The following PDE4B variants were observed in gnomAD, a reference collection of about 807,000 sequenced individuals.
The protein encoded by PDE4B is 3',5'-cyclic-AMP phosphodiesterase 4B.
Under a neutral mutation model 82.2 loss-of-function variants are expected in PDE4B, and 20 were observed. That is an observed-to-expected ratio of 0.24 (90% CI 0.17 to 0.35). The LOEUF (loss-of-function observed/expected upper bound fraction) is 0.35. PDE4B is among the 10% of genes least tolerant of loss of function. The pLI is 1.00. For synonymous variants in PDE4B, 320 were observed against 318.9 expected (o/e 1.00, Z -0.04); for missense variants, 655 against 907.2 (o/e 0.72, Z 3.57).
At chr1:66,370,150 C>CAAAAAAAAA (rs752920376) in intron 16 of PDE4B, among the ~76,000 whole-genome samples, 11 of 28,650 alleles carry the variant, frequency 3.8e-4, no homozygotes, top group Non-Finnish European at 5.8e-4. Context: ...GACTCTATCT[C>CAAAAAAAAA]AAAAAAAAAA....
intron 3 of PDE4B, among the ~76,000 whole-genome samples, chr1:66,175,027 G>A (rs1382452829): frequency 6.6e-6 from 1 of 152,090 alleles, no homozygotes; most frequent in Non-Finnish European, 1.5e-5. Flanking sequence ...ACAGCATGGA[G>A]GAACCTGCCC....
intron 8 of PDE4B, among the ~76,000 whole-genome samples, chr1:66,350,006 G>A (rs1204880499): frequency 2.0e-5 from 3 of 152,010 alleles, no homozygotes; most frequent in African/African-American, 4.8e-5. Context: ...TAGGGCCAGA[G>A]CTAAGACAGG....
intron 7 of PDE4B, among the ~76,000 whole-genome samples, chr1:66,271,286 G>A (rs1655453669): frequency 6.6e-6 from 1 of 152,142 alleles, no homozygotes; most frequent in African/African-American, 2.4e-5. Context: ...ATGAAACCGA[G>A]GAGGCCTCAT....
At chr1:66,359,393 A>AT (rs1391223490) in intron 9 of PDE4B, among the ~76,000 whole-genome samples, 7 of 152,236 alleles carry the variant, frequency 4.6e-5, no homozygotes, top group Middle Eastern at 3.4e-3. Context: ...GTTTATTGTG[A>AT]TTTTTTTGAG....
intron 7 of PDE4B, chr1:66,332,248 G>A (rs1451562668): frequency 2.1e-6 from 3 of 1,456,368 alleles, no homozygotes; most frequent in African/African-American, 2.8e-5. Context: ...CTTCCTCAGA[G>A]GAAGTTTCTT....
At chr1:66,271,225 A>C (rs1655449911) in intron 7 of PDE4B, among the ~76,000 whole-genome samples, 1 of 152,236 alleles carries the variant, frequency 6.6e-6, no homozygotes, top group African/African-American at 2.4e-5. Context: ...TGGTTATTTC[A>C]CTAGTTCAAA....
chr1:66,241,531 G>C (rs1021024077), intron 3 of PDE4B, among the ~76,000 whole-genome samples: 1 of 151,876 alleles, frequency 6.6e-6, no homozygotes, highest in Non-Finnish European at 1.5e-5. Context: ...TTGTGAGACT[G>C]AGTCTCACTC....
chr1:66,259,223 A>G (rs1654493094), intron 6 of PDE4B, among the ~76,000 whole-genome samples: 1 of 152,170 alleles, frequency 6.6e-6, no homozygotes, highest in South Asian at 2.1e-4. Context: ...ACATGGATAT[A>G]TGCATTTAAC....
chr1:65,874,852 A>G (rs573952214), intron 1 of PDE4B, among the ~76,000 whole-genome samples: 223 of 152,268 alleles, frequency 1.5e-3, no homozygotes, highest in Non-Finnish European at 1.6e-3. Context: ...CCTAGAAGAA[A>G]ACCTAGGCTA....
At chr1:66,243,687 A>T (rs1471494720) in intron 3 of PDE4B, among the ~76,000 whole-genome samples, 1 of 152,220 alleles carries the variant, frequency 6.6e-6, no homozygotes, top group African/African-American at 2.4e-5. Context: ...ACCACTTCTC[A>T]TACAGCCCAT....
At chr1:66,135,143 G>A (rs955736802) in intron 3 of PDE4B, among the ~76,000 whole-genome samples, 5 of 152,170 alleles carry the variant, frequency 3.3e-5, no homozygotes, top group African/African-American at 1.2e-4. Context: ...GTGTATTGGT[G>A]GAAGCAGAGG....
rs574586802 is a variant in PDE4B at position 66,205,896 on chromosome 1, G to T, written c.282-41564G>T. 2.0e-5 allele frequency among the ~76,000 whole-genome samples: 3 copies of T among 152,302 alleles called. 1 individual carries two copies. The highest frequency in any genetic ancestry group is 2.0e-4 in the Admixed American group (3 of 15,302). On this transcript the variant is annotated intron_variant, in intron 3 of 16. Coordinates refer to ENST00000341517, the MANE Select transcript of PDE4B (RefSeq NM_002600.4). ...TTTCTGCATTCAGGTAGACTGCTCA[G>T]CTGTTCTCCATCATCTTCATTTATG...
At chr1:65,825,731 T>TATCC (rs1646008893) in intron 1 of PDE4B, among the ~76,000 whole-genome samples, 1 of 151,826 alleles carries the variant, frequency 6.6e-6, no homozygotes, top group Admixed American at 6.6e-5. Flanking sequence ...TCTATCTATC[T>TATCC]ATCTATCTAT....
At chr1:65,803,484 A>G (rs1645719356) in intron 1 of PDE4B, among the ~76,000 whole-genome samples, 1 of 152,230 alleles carries the variant, frequency 6.6e-6, no homozygotes, top group African/African-American at 2.4e-5. Context: ...GAACAATAAA[A>G]ACAACATATT....
intron 3 of PDE4B, among the ~76,000 whole-genome samples, chr1:66,114,457 A>G (rs575004012): frequency 4.5e-4 from 68 of 152,318 alleles, no homozygotes; most frequent in African/African-American, 1.5e-3. Context: ...CAAATCCAAG[A>G]AAAGGCAGAA....
chr1:66,105,892 C>G (rs1302332281), intron 3 of PDE4B, among the ~76,000 whole-genome samples: 2 of 152,000 alleles, frequency 1.3e-5, no homozygotes, highest in African/African-American at 2.4e-5. Context: ...CAAACAGGTA[C>G]AATTTGACTT....
intron 3 of PDE4B, among the ~76,000 whole-genome samples, chr1:65,934,426 C>A (rs1648010327): frequency 6.6e-6 from 1 of 152,104 alleles, no homozygotes; most frequent in African/African-American, 2.4e-5. Flanking sequence ...TCTGGGTGAT[C>A]CTGTCTCAAT....
chr1:65,977,197 T>G (rs1285517206), intron 3 of PDE4B, among the ~76,000 whole-genome samples: 3 of 152,200 alleles, frequency 2.0e-5, no homozygotes, highest in Non-Finnish European at 4.4e-5. Context: ...AATATTGGTG[T>G]GCATCAGATT....
chr1:65,918,786 C>T lies in PDE4B; in HGVS notation c.232C>T (p.Pro78Ser). Residue 78 changes from proline (P) to serine (S), a missense_variant, in exon 3 of 17, where the codon CCT becomes TCT. By Grantham distance (74) the Pro-to-Ser change is moderately conservative. Around this residue, in one of 3 missense-constraint regions of PDE4B, gnomAD observed 253 missense variants for 275.6 expected, o/e 0.92. Coordinates refer to ENST00000341517, the MANE Select transcript of PDE4B (RefSeq NM_002600.4). The stretch of plus-strand genomic sequence containing the variant: ...TGGTATTTCCAGGCCGACCACACTG[C>T]CTTTGACAACGCTTCCAAGCATTGC... ...GDGISRPTTL[P>S]LTTLPSIAIT... 1 of 1,613,848 alleles carries T rather than the reference C, an allele frequency of 6.2e-7. No individual in the cohort carries two copies. Among genetic ancestry groups the T allele is most frequent in the Non-Finnish European group, 8.5e-7 (1 of 1,179,728 alleles).
Sources: allele counts gnomAD v4.1 joint callset (sites outside exome capture counted in the v4.1 genomes callset), GRCh38; gene constraint gnomAD v4.1.1; regional missense constraint gnomAD v4.1.1; transcripts MANE v1.5; gene names NCBI Gene and HGNC (gene_info 2026-07-23, HGNC 2026-07-21).